COLEC12: variants seen among roughly 807,000 people sequenced by gnomAD.
The protein encoded by COLEC12 is collectin-12.
Under a neutral mutation model 71.1 loss-of-function variants are expected in COLEC12, and 33 were observed. The ratio of observed to expected loss-of-function variants is 0.46; its 90% CI spans 0.35 to 0.62. The LOEUF (loss-of-function observed/expected upper bound fraction) is 0.62. Ranked by LOEUF, COLEC12 falls within the 20% of genes least tolerant of loss-of-function variation. The pLI is 0.00. For synonymous variants in COLEC12, 350 were observed against 353.0 expected (o/e 0.99, Z 0.10); for missense variants, 765 against 916.1 (o/e 0.84, Z 2.13).
chr18:448,298 G>A (rs564992293), intron 2 of COLEC12, among the ~76,000 whole-genome samples: 3 of 152,308 alleles, frequency 2.0e-5, no homozygotes, highest in South Asian at 2.1e-4. Flanking sequence ...ACGAGCGTTC[G>A]CTAAAGTCTG....
At chr18:450,310 G>T (rs776080846) in intron 2 of COLEC12, among the ~76,000 whole-genome samples, 1 of 152,202 alleles carries the variant, frequency 6.6e-6, no homozygotes, top group Non-Finnish European at 1.5e-5. Flanking sequence ...AATCCCCAAT[G>T]TTGAGGGGGG....
intron 2 of COLEC12, among the ~76,000 whole-genome samples, chr18:390,168 C>T (rs761256065): frequency 1.3e-5 from 2 of 152,182 alleles, no homozygotes; most frequent in Non-Finnish European, 2.9e-5. Flanking sequence ...GGGCTAGGTC[C>T]CCACCAATCA....
At chr18:381,143 T>C (rs1282762302) in intron 2 of COLEC12, among the ~76,000 whole-genome samples, 1 of 152,178 alleles carries the variant, frequency 6.6e-6, no homozygotes, top group African/African-American at 2.4e-5. Flanking sequence ...ACTCCTTGCA[T>C]TGCAAGGCAG....
At chr18:354,387 G>C (rs1178283741) in intron 3 of COLEC12, among the ~76,000 whole-genome samples, 1 of 152,244 alleles carries the variant, frequency 6.6e-6, no homozygotes, top group African/African-American at 2.4e-5. Context: ...TAAGTGACAT[G>C]AAAGAAGAAA....
chr18:455,851 A>G (rs1297190943), intron 2 of COLEC12, among the ~76,000 whole-genome samples: 1 of 152,170 alleles, frequency 6.6e-6, no homozygotes, highest in Non-Finnish European at 1.5e-5. Flanking sequence ...GCTGCATAGT[A>G]TTCTGTGGTG....
At chr18:361,464 G>A (rs1208209641) in intron 2 of COLEC12, among the ~76,000 whole-genome samples, 8 of 151,930 alleles carry the variant, frequency 5.3e-5, no homozygotes, top group Middle Eastern at 3.4e-3. Context: ...AAATACCACT[G>A]TCCTCATGAC....
intron 2 of COLEC12, among the ~76,000 whole-genome samples, chr18:435,649 T>C (rs1232401662): frequency 6.6e-6 from 1 of 152,180 alleles, no homozygotes; most frequent in East Asian, 1.9e-4. Context: ...TCTCTTTTTA[T>C]ACGCTGGCTT....
At chr18:378,369 A>AT (rs1193658646) in intron 2 of COLEC12, among the ~76,000 whole-genome samples, 1 of 152,222 alleles carries the variant, frequency 6.6e-6, no homozygotes, top group Admixed American at 6.5e-5. Flanking sequence ...AAGGATGGCT[A>AT]TTTTAAGTTG....
intron 2 of COLEC12, among the ~76,000 whole-genome samples, chr18:453,982 C>T (rs1426760975): frequency 2.6e-5 from 4 of 152,248 alleles, no homozygotes; most frequent in African/African-American, 9.6e-5. Flanking sequence ...AAGACACCAT[C>T]ACCTCTGATT....
intron 2 of COLEC12, among the ~76,000 whole-genome samples, chr18:449,979 AT>A (rs1916728085): frequency 6.6e-6 from 1 of 152,230 alleles, no homozygotes; most frequent in African/African-American, 2.4e-5. Context: ...ATTTCTTATC[AT>A]TTTTAAACCT....
At chr18:421,503 T>C (rs146369554) in intron 2 of COLEC12, among the ~76,000 whole-genome samples, 205 of 152,296 alleles carry the variant, frequency 1.3e-3, no homozygotes, top group African/African-American at 4.0e-3. Context: ...GAGGCAGACA[T>C]GAACGACTCA....
intron 2 of COLEC12, among the ~76,000 whole-genome samples, chr18:396,380 T>C (rs1283001892): frequency 2.0e-5 from 3 of 152,198 alleles, no homozygotes; most frequent in Admixed American, 6.5e-5. Flanking sequence ...CTCTCCACCA[T>C]CCAATCTGAC....
chr18:324,806 G>A (rs1007447422), intron 8 of COLEC12, among the ~76,000 whole-genome samples: 1 of 152,010 alleles, frequency 6.6e-6, no homozygotes, highest in Admixed American at 6.5e-5. Context: ...TCCATCCTGG[G>A]TGACAAAGCG....
intron 2 of COLEC12, among the ~76,000 whole-genome samples, chr18:419,488 A>G (rs542371674): frequency 1.6e-4 from 24 of 152,150 alleles, no homozygotes; most frequent in Non-Finnish European, 3.2e-4. Context: ...TACAGGTGAG[A>G]GCCACTGTGC....
chr18:431,762 T>C (rs1916308985), intron 2 of COLEC12, among the ~76,000 whole-genome samples: 1 of 152,140 alleles, frequency 6.6e-6, no homozygotes, highest in Non-Finnish European at 1.5e-5. Flanking sequence ...CTCGGTTCCC[T>C]TCAACACATA....
chr18:383,646 C>T (rs1361134516), intron 2 of COLEC12, among the ~76,000 whole-genome samples: 7 of 152,118 alleles, frequency 4.6e-5, no homozygotes, highest in Admixed American at 6.5e-5. Flanking sequence ...TGTAACCTCC[C>T]ATCTCCCCTA....
chr18:451,440 T>C (rs1207666009), intron 2 of COLEC12, among the ~76,000 whole-genome samples: 3 of 152,166 alleles, frequency 2.0e-5, no homozygotes, highest in Non-Finnish European at 4.4e-5. Context: ...CCTATATTCA[T>C]ATGCATGAGC....
chr18:396,705 C>T (rs1309556440), intron 2 of COLEC12, among the ~76,000 whole-genome samples: 2 of 152,228 alleles, frequency 1.3e-5, no homozygotes, highest in Non-Finnish European at 2.9e-5. Flanking sequence ...TTCTGCAAAG[C>T]AAAACCTGCA....
rs1914769483 is a variant in COLEC12 at position 362,565 on chromosome 18, G to A, written c.59-5043C>T. 6.6e-6 allele frequency among the ~76,000 whole-genome samples: 1 copy of A among 150,856 alleles called. No homozygotes were observed. Among genetic ancestry groups the A allele is most frequent in the African/African-American group, 2.4e-5 (1 of 41,160 alleles). On this transcript the variant is annotated intron_variant, in intron 2 of 9. Transcript: ENST00000400256. This position sits in a 1 kb window ranked among gnomAD's most constrained non-coding sequence, Gnocchi z 4.6. ...TTAGCATTACTTTCCAGAGCCTGGG[G>A]ACTTTGTTCCCATGGCGGGGTGGGG...
Sources: gnomAD v4.1 joint callset for allele counts (sites outside exome capture counted in the v4.1 genomes callset) on GRCh38, gnomAD v4.1.1 for gene constraint, Gnocchi (gnomAD v3.1) non-coding constraint, MANE v1.5 for transcripts, NCBI Gene and HGNC (gene_info 2026-07-23, HGNC 2026-07-21) for gene names.